Variants in PCDH1 observed in about 807,000 individuals in gnomAD.
PCDH1 encodes protocadherin 1.
Under a neutral mutation model 74.6 loss-of-function variants are expected in PCDH1, and 23 were observed. The observed-to-expected ratio is 0.31, with a 90% CI of 0.22 to 0.44. The LOEUF is 0.44. PCDH1 is among the 20% of genes least tolerant of loss of function. The probability of loss-of-function intolerance (pLI) is 1.00; values close to 1 mark genes in which losing one functional copy is unlikely to be tolerated. For synonymous variants in PCDH1, 647 were observed against 686.1 expected, an observed-to-expected ratio of 0.94 and a Z score of 0.89; for missense variants, 1,214 against 1,641.4, an observed-to-expected ratio of 0.74 and a Z score of 4.50.
chr5:141,858,273 C>T (rs187235988), intron 3 of PCDH1, among the ~76,000 whole-genome samples: 1 of 152,290 alleles, frequency 6.6e-6, no homozygotes, highest in African/African-American at 2.4e-5. Context: ...CAAACCAGGG[C>T]ACCTGGGGGA....
chr5:141,877,883 G>A (rs577302999), intron 1 of PCDH1, among the ~76,000 whole-genome samples: 1 of 152,312 alleles, frequency 6.6e-6, no homozygotes, highest in South Asian at 2.1e-4. Context: ...CAAACTGGGG[G>A]CCGCGCGCTT....
rs935525135 is a variant in PCDH1, at chr5:141,878,249, G to A, written c.14C>T (p.Ala5Val). The A allele has an allele frequency of 2.6e-5, 36 of 1,365,762 alleles. No individual in the cohort carries two copies. Among genetic ancestry groups the A allele is most frequent in the Non-Finnish European group, 2.7e-5 (29 of 1,060,992 alleles). The allele number at this position is 1,365,762 out of a possible 1,614,324, so 84.6% of individuals were successfully genotyped here. Residue 5 changes from alanine (A) to valine (V), a missense_variant, in exon 1 of 5, where the codon GCG becomes GTG. Ala to Val is a moderately conservative substitution (Grantham distance 64). Coordinates refer to ENST00000287008, the MANE Select transcript of PCDH1 (RefSeq NM_032420.5). This position sits in a 1 kb window ranked among gnomAD's most constrained non-coding sequence, Gnocchi z 5.5. Reference protein sequence around the residue: MDSGAGGRRCPEAAL... With the variant: MDSGVGGRRCPEAAL... ...CGCCTCCGGGCAGCGCCGGCCGCCC[G>A]CCCCGCTGTCCATGAGCCGCCGCCG...
In PCDH1 at chr5:141,864,474, G is replaced by T. The variant is rs1359853732; in HGVS notation, c.1857C>A (p.Phe619Leu). Residue 619 changes from phenylalanine to leucine, a missense_variant, in exon 3 of 5, where the codon TTC becomes TTA. Physicochemically the swap from Phe to Leu is conservative, Grantham distance 22 (BLOSUM62 0). Around this residue, in one of 4 missense-constraint regions of PCDH1, gnomAD observed 836 missense variants for 1,182.2 expected, o/e 0.71. Coordinates refer to ENST00000287008, the MANE Select transcript of PCDH1 (RefSeq NM_032420.5). This position sits in a 1 kb window ranked among gnomAD's most constrained non-coding sequence, Gnocchi z 5.9. ...GTGCTGGCATGTTCTCCATCACTGA[G>T]AAGTTGTAGCCACTCAGCATAAATT... Reference protein sequence around the residue: ...DPKFMLSGYNFSVMENMPALS... With the variant: ...DPKFMLSGYNLSVMENMPALS... The T allele has an allele frequency of 6.2e-7, 1 of 1,614,146 alleles. No individual in the cohort carries two copies. The highest frequency in any genetic ancestry group is 1.7e-5 in the Admixed American group (1 of 60,024).
intron 1 of PCDH1, among the ~76,000 whole-genome samples, chr5:141,872,102 C>T (rs1753107947): frequency 6.6e-6 from 1 of 151,614 alleles, no homozygotes; most frequent in Non-Finnish European, 1.5e-5. Flanking sequence ...AGGAATTTAT[C>T]TGTACTCCAT....
chr5:141,875,941 T>C (rs1175695811), intron 1 of PCDH1, among the ~76,000 whole-genome samples: 1 of 151,968 alleles, frequency 6.6e-6, no homozygotes, highest in Admixed American at 6.5e-5. Flanking sequence ...AAAAACTTTC[T>C]GGGCGGCCCC....
intron 1 of PCDH1, among the ~76,000 whole-genome samples, chr5:141,873,420 G>A (rs961605232): frequency 2.7e-5 from 4 of 149,884 alleles, no homozygotes; most frequent in Admixed American, 2.0e-4. Context: ...TTACAGGCGT[G>A]AGCCACCGCG....
rs2126836427 is a variant in PCDH1 at position 141,878,112 on chromosome 5, T to G, written c.40+111A>C. ...CCTCAGCCCCCTCGCGCCGAGCTCG[T>G]GTTGGGCCCCCGCGGCCTCGCTCCG... On this transcript the variant is annotated intron_variant, in intron 1 of 4. Transcript: ENST00000287008. The surrounding 1 kb of genome is among the most constrained non-coding windows in gnomAD (Gnocchi z 5.5). 1.0e-6 allele frequency: 1 copy of G among 1,004,868 alleles called. No homozygotes were observed. Among genetic ancestry groups the G allele is most frequent in the Non-Finnish European group, 1.3e-6 (1 of 751,366 alleles). 62.2% of individuals were successfully genotyped at this position (1,004,868 alleles called of 1,614,324 possible). A position where few individuals can be genotyped will look rare whatever the true frequency, so the allele number is the denominator to read the frequency against.
rs1285971640 is a variant in PCDH1 at position 141,878,010 on chromosome 5, C to T, written c.40+213G>A. Among the ~76,000 whole-genome samples, 1 of 152,198 alleles carries T rather than the reference C, an allele frequency of 6.6e-6. No homozygotes were observed. The highest frequency in any genetic ancestry group is 2.4e-5 in the African/African-American group (1 of 41,462). ...TTCTGCTCAGCACCCCCTCCCCTCCCTCGGCTTCTCGCCGCGGACCTGGGA... is the reference window on the plus strand; with the variant it reads ...TTCTGCTCAGCACCCCCTCCCCTCCTTCGGCTTCTCGCCGCGGACCTGGGA... On this transcript the variant is annotated intron_variant, in intron 1 of 4. Transcript: ENST00000287008. The surrounding 1 kb of genome is among the most constrained non-coding windows in gnomAD (Gnocchi z 5.5).
intron 4 of PCDH1, among the ~76,000 whole-genome samples, chr5:141,855,104 T>G (rs1405551827): frequency 6.6e-6 from 1 of 151,962 alleles, no homozygotes; most frequent in Non-Finnish European, 1.5e-5. Flanking sequence ...CCCAAATATC[T>G]GTGACTATAG....
Position 141,857,442 on chromosome 5 carries a change from G to C in PCDH1, c.3129C>G (p.Ala1043=). ...CCTGCAGCTCCTGGGCCTGGCTGGT[G>C]GCCGAGAAGGTGACGCGGCGGTGAG... ...QLPHRRVTFS[A]TSQAQELQDP... The change falls in exon 4 of 5, where the codon GCC becomes GCG. Residue 1043 remains alanine (A), a synonymous_variant. Coordinates refer to ENST00000287008, the MANE Select transcript of PCDH1 (RefSeq NM_032420.5). The C allele has an allele frequency of 6.2e-7, 1 of 1,613,930 alleles. No individual in the cohort carries two copies. Among genetic ancestry groups the C allele is most frequent in the African/African-American group, 1.3e-5 (1 of 75,004 alleles).
chr5:141,872,478 A>G (rs1753118438), intron 1 of PCDH1, among the ~76,000 whole-genome samples: 1 of 152,184 alleles, frequency 6.6e-6, no homozygotes, highest in Non-Finnish European at 1.5e-5. Context: ...TTATAAAACC[A>G]TGGTACAGAT....
Position 141,867,478 on chromosome 5 carries a change from G to A in PCDH1, c.903+1091C>T, listed in dbSNP as rs138237076. On this transcript the variant is annotated intron_variant, in intron 2 of 4. Transcript: ENST00000287008. The stretch of plus-strand genomic sequence containing the variant: ...ATGGGGATAATACTTACCTTGTACT[G>A]TAAGGATTAAATGATATAATACACA... 148 of 423,252 alleles carry A rather than the reference G, an allele frequency of 3.5e-4. 1 individual carries two copies. Among genetic ancestry groups the A allele is most frequent in the Admixed American group, 2.9e-3 (97 of 33,392 alleles). The allele number at this position is 423,252 out of a possible 1,614,324, so 26.2% of individuals were successfully genotyped here.
At position 141,863,851 on chromosome 5, in the gene PCDH1, C is replaced by T. The variant is rs1161941993; in HGVS notation, c.2480G>A (p.Gly827Asp). ...ATCCAGCGGCGTGTCCAGGCTGTGG[C>T]CCAGGAGGGTCTCCAGCAGCGTGCG... is the stretch of plus-strand genomic sequence containing the variant. ...ANRTLLETLLGHSLDTPLDID... is the reference protein window; with the variant it reads ...ANRTLLETLLDHSLDTPLDID... The change falls in exon 3 of 5, where the codon GGC becomes GAC. Residue 827 changes from glycine (G) to aspartate (D), a missense_variant. Gly to Asp is a moderately conservative substitution (Grantham distance 94, BLOSUM62 -1). Coordinates refer to ENST00000287008, the MANE Select transcript of PCDH1 (RefSeq NM_032420.5). The surrounding 1 kb of genome is among the most constrained non-coding windows in gnomAD (Gnocchi z 7.5). The T allele has an allele frequency of 1.2e-6, 2 of 1,614,024 alleles. No individual in the cohort carries two copies. The highest frequency in any genetic ancestry group is 1.3e-5 in the African/African-American group (1 of 74,906).
chr5:141,868,538 C>A lies in PCDH1; in HGVS notation c.903+31G>T, dbSNP rs1752957749. On this transcript the variant is annotated intron_variant, in intron 2 of 4. Coordinates refer to ENST00000287008, the MANE Select transcript of PCDH1 (RefSeq NM_032420.5). This position sits in a 1 kb window ranked among gnomAD's most constrained non-coding sequence, Gnocchi z 4.8. ...GGCTCCCATTTCTAGTGGTGGGTCA[C>A]CCTGACAGTTATACGGAGGGGGCCT... The A allele has an allele frequency of 2.0e-6, 3 of 1,518,138 alleles. No homozygotes were observed. Among genetic ancestry groups the A allele is most frequent in the African/African-American group, 2.8e-5 (2 of 71,772 alleles). 94.0% of individuals were successfully genotyped at this position (1,518,138 alleles called of 1,614,324 possible).
chr5:141,868,532 G>A lies in PCDH1; in HGVS notation c.903+37C>T. The A allele has an allele frequency of 6.6e-7, 1 of 1,514,152 alleles. No homozygotes were observed. Among genetic ancestry groups the A allele is most frequent in the Non-Finnish European group, 8.8e-7 (1 of 1,133,088 alleles). 93.8% of individuals were successfully genotyped at this position (1,514,152 alleles called of 1,614,324 possible). A position where few individuals can be genotyped will look rare whatever the true frequency, so the allele number is the denominator to read the frequency against. ...TGGGTGGGCTCCCATTTCTAGTGGT[G>A]GGTCACCCTGACAGTTATACGGAGG... On this transcript the variant is annotated intron_variant, in intron 2 of 4. Coordinates refer to ENST00000287008, the MANE Select transcript of PCDH1 (RefSeq NM_032420.5). This position sits in a 1 kb window ranked among gnomAD's most constrained non-coding sequence, Gnocchi z 4.8.
At chr5:141,871,282 G>A (rs1385093178) in intron 1 of PCDH1, among the ~76,000 whole-genome samples, 1 of 152,232 alleles carries the variant, frequency 6.6e-6, no homozygotes, top group African/African-American at 2.4e-5. Flanking sequence ...TTTACAATAT[G>A]CCAGGCTCTG....
In PCDH1 at chr5:141,868,110, A is replaced by AT. The variant is rs1320010392; in HGVS notation, c.903+458_903+459insA. ...TCATCTGACTTTGTCAGGAAGAGGCAAAATGAGGCTATATCCTCCAGCTTC... is the reference window on the plus strand; with the variant it reads ...TCATCTGACTTTGTCAGGAAGAGGCATAAATGAGGCTATATCCTCCAGCTTC... On this transcript the variant is annotated intron_variant, in intron 2 of 4. Transcript: ENST00000287008. The surrounding 1 kb of genome is among the most constrained non-coding windows in gnomAD (Gnocchi z 4.8). 4.6e-5 allele frequency among the ~76,000 whole-genome samples: 7 copies of AT among 152,268 alleles called. No homozygotes were observed. The highest frequency in any genetic ancestry group is 4.6e-4 in the Admixed American group (7 of 15,288).
rs1752207729 is a variant in PCDH1, at chr5:141,853,688, G to C, written c.*354C>G. On this transcript the variant is annotated 3_prime_UTR_variant, in exon 5 of 5. Coordinates refer to ENST00000287008, the MANE Select transcript of PCDH1 (RefSeq NM_032420.5). ...CCTGGTCGGCCATGAGGGAAACAAT[G>C]AGTTAGAAGTACGCTGCCCACCCTT... 4.8e-6 allele frequency: 1 copy of C among 209,942 alleles called. No individual in the cohort carries two copies. The highest frequency in any genetic ancestry group is 9.4e-6 in the Non-Finnish European group (1 of 105,900). 13.0% of individuals were successfully genotyped at this position (209,942 alleles called of 1,614,324 possible).
At chr5:141,870,974 T>A (rs1304525982) in intron 1 of PCDH1, among the ~76,000 whole-genome samples, 2 of 152,088 alleles carry the variant, frequency 1.3e-5, no homozygotes, top group Non-Finnish European at 2.9e-5. Context: ...ACCTTCACAG[T>A]CCTCTCCTGC....
Sources: allele counts gnomAD v4.1 joint callset (sites outside exome capture counted in the v4.1 genomes callset), GRCh38; gene constraint gnomAD v4.1.1; regional missense constraint gnomAD v4.1.1; non-coding constraint Gnocchi (gnomAD v3.1); transcripts MANE v1.5; gene names NCBI Gene and HGNC (gene_info 2026-07-23, HGNC 2026-07-21).